The following FHIP1A variants were observed in gnomAD, a reference collection of about 807,000 sequenced individuals.
FHIP1A encodes FHF complex subunit HOOK interacting protein 1A.
Under a neutral mutation model 88.6 loss-of-function variants are expected in FHIP1A, and 61 were observed. The observed-to-expected ratio is 0.69, with a 90% CI of 0.56 to 0.85. FHIP1A has a LOEUF of 0.85. FHIP1A is among the 40% of genes least tolerant of loss of function. The pLI is 0.00. For synonymous variants in FHIP1A, 478 were observed against 496.0 expected (o/e 0.96, Z 0.48); for missense variants, 1,154 against 1,273.5 (o/e 0.91, Z 1.43).
At chr4:151,548,918 G>C (rs1732613522) in intron 3 of FHIP1A, among the ~76,000 whole-genome samples, 1 of 152,232 alleles carries the variant, frequency 6.6e-6, no homozygotes, top group African/African-American at 2.4e-5. Flanking sequence ...TCTGCAGAAA[G>C]GGTGCCCCTC....
intron 13 of FHIP1A, among the ~76,000 whole-genome samples, chr4:151,660,870 T>TA (rs1737431162): frequency 2.6e-5 from 4 of 152,234 alleles, no homozygotes; most frequent in Admixed American, 2.6e-4. Context: ...ACTTTATACC[T>TA]ATTGACTCAT....
At chr4:151,454,247 A>G (rs1728893479) in intron 1 of FHIP1A, among the ~76,000 whole-genome samples, 1 of 152,158 alleles carries the variant, frequency 6.6e-6, no homozygotes, top group Non-Finnish European at 1.5e-5. Context: ...GCATTCATAT[A>G]CCTATTGATT....
At chr4:151,486,471 A>G (rs1730086736) in intron 3 of FHIP1A, among the ~76,000 whole-genome samples, 1 of 152,146 alleles carries the variant, frequency 6.6e-6, no homozygotes, top group Non-Finnish European at 1.5e-5. Context: ...TGTGCATTTT[A>G]ACGAGCTCTC....
chr4:151,413,426 T>C (rs534716689), intron 1 of FHIP1A, among the ~76,000 whole-genome samples: 3 of 152,328 alleles, frequency 2.0e-5, no homozygotes, highest in African/African-American at 7.2e-5. Context: ...GATAATATTT[T>C]ATACTGTGTA....
intron 7 of FHIP1A, among the ~76,000 whole-genome samples, chr4:151,611,457 T>C (rs1288657255): frequency 6.6e-6 from 1 of 152,248 alleles, no homozygotes; most frequent in African/African-American, 2.4e-5. Flanking sequence ...GCTCTCTATA[T>C]GTAGAAATGA....
chr4:151,517,091 G>A (rs900625211), intron 3 of FHIP1A, among the ~76,000 whole-genome samples: 8 of 152,130 alleles, frequency 5.3e-5, no homozygotes, highest in African/African-American at 1.7e-4. Flanking sequence ...AGAAAATGTG[G>A]CACATATGCA....
At chr4:151,518,593 A>G (rs1028712236) in intron 3 of FHIP1A, among the ~76,000 whole-genome samples, 2 of 150,854 alleles carry the variant, frequency 1.3e-5, no homozygotes, top group African/African-American at 4.9e-5. Flanking sequence ...AAATTCTACC[A>G]TTAACATTGT....
rs569126288 is a variant in FHIP1A at position 151,545,369 on chromosome 4, C to CTTTTTTTT, written c.-122-20750_-122-20743dup. The stretch of plus-strand genomic sequence containing the variant: ...CAAGGCAAAATATTTCCTTATCCTT[C>CTTTTTTTT]TTTTTTTTTTTTTTTTTTTTTTTTT... On this transcript the variant is annotated intron_variant, in intron 3 of 13. Coordinates refer to ENST00000435205, the MANE Select transcript of FHIP1A (RefSeq NM_001109977.3). Among the ~76,000 whole-genome samples the CTTTTTTTT allele has an allele frequency of 4.7e-4, 38 of 81,682 alleles. 1 individual carries two copies. Among genetic ancestry groups the CTTTTTTTT allele is most frequent in the African/African-American group, 1.7e-3 (34 of 19,652 alleles). The allele number at this position is 81,682 out of a possible 152,430, so 53.6% of individuals were successfully genotyped here. A position where few individuals can be genotyped will look rare whatever the true frequency, so the allele number is the denominator to read the frequency against.
At chr4:151,516,652 G>A (rs1015407947) in intron 3 of FHIP1A, among the ~76,000 whole-genome samples, 3 of 152,194 alleles carry the variant, frequency 2.0e-5, no homozygotes, top group African/African-American at 7.2e-5. Flanking sequence ...GACAGGAACA[G>A]ACACTTACCA....
chr4:151,560,471 T>C (rs1215682596), intron 3 of FHIP1A, among the ~76,000 whole-genome samples: 2 of 152,164 alleles, frequency 1.3e-5, no homozygotes, highest in Admixed American at 1.3e-4. Flanking sequence ...AGTGAGAGGG[T>C]TCTTCTTAGA....
intron 1 of FHIP1A, among the ~76,000 whole-genome samples, chr4:151,445,265 A>T (rs1381689574): frequency 6.6e-6 from 1 of 152,180 alleles, no homozygotes; most frequent in African/African-American, 2.4e-5. Flanking sequence ...GGGTCCCAGC[A>T]TAGGAACCTC....
At chr4:151,660,391 TA>T in intron 13 of FHIP1A, among the ~76,000 whole-genome samples, 1 of 152,228 alleles carries the variant, frequency 6.6e-6, no homozygotes, top group East Asian at 1.9e-4. Flanking sequence ...AACCCCTTTT[TA>T]GGGGGGAAGA....
intron 8 of FHIP1A, 43 bp from the exon 9 acceptor site, chr4:151,638,634 C>A: frequency 1.7e-6 from 2 of 1,202,380 alleles, no homozygotes; most frequent in Non-Finnish European, 2.4e-6. Flanking sequence ...GTAGAGTTAT[C>A]GTTCCAACAT....
At chr4:151,586,486 C>T (rs796958305) in intron 5 of FHIP1A, among the ~76,000 whole-genome samples, 155 bp from the exon 6 acceptor site, 6 of 152,142 alleles carry the variant, frequency 3.9e-5, no homozygotes, top group South Asian at 4.1e-4. Context: ...CTGTTTGCAT[C>T]GTTTTTAGCT....
At chr4:151,607,214 G>C (rs1464011493) in intron 7 of FHIP1A, among the ~76,000 whole-genome samples, 1 of 152,104 alleles carries the variant, frequency 6.6e-6, no homozygotes, top group Non-Finnish European at 1.5e-5. Flanking sequence ...CAGTTCCCCT[G>C]GACTTAAACA....
At chr4:151,661,675 T>C (rs546522563) in intron 13 of FHIP1A, among the ~76,000 whole-genome samples, 3 of 152,264 alleles carry the variant, frequency 2.0e-5, no homozygotes, top group Non-Finnish European at 4.4e-5. Context: ...AGGAATCAAA[T>C]AGGGATGTTG....
At chr4:151,410,807 T>A (rs184209809) in intron 1 of FHIP1A, among the ~76,000 whole-genome samples, 1 of 152,364 alleles carries the variant, frequency 6.6e-6, no homozygotes, top group East Asian at 1.9e-4. Flanking sequence ...TTCGCATAAT[T>A]AAAGGTTGAT....
Position 151,662,613 on chromosome 4 carries a change from C to G in FHIP1A, c.2982C>G (p.Pro994=). The G allele has an allele frequency of 3.9e-6, 6 of 1,551,674 alleles. No homozygotes were observed. Among genetic ancestry groups the G allele is most frequent in the Non-Finnish European group, 5.2e-6 (6 of 1,146,988 alleles). ...GAACCAAGGTGGCTGAGGCACCCCCCAACCTGCCCCTGCCGGTGAGGAACC... is the reference window on the plus strand; with the variant it reads ...GAACCAAGGTGGCTGAGGCACCCCCGAACCTGCCCCTGCCGGTGAGGAACC... ...THRTKVAEAP[P]NLPLPVRNPM... Residue 994 remains proline (P), a synonymous_variant, in exon 14 of 14, where the codon CCC becomes CCG. Transcript: ENST00000435205.
intron 2 of FHIP1A, among the ~76,000 whole-genome samples, chr4:151,455,390 A>G (rs920175954): frequency 1.3e-5 from 2 of 152,226 alleles, no homozygotes; most frequent in Non-Finnish European, 1.5e-5. Flanking sequence ...CTGTCATTAA[A>G]GGAGGGCAGG....
Sources: allele counts gnomAD v4.1 joint callset (sites outside exome capture counted in the v4.1 genomes callset), GRCh38; gene constraint gnomAD v4.1.1; transcripts MANE v1.5; gene names NCBI Gene and HGNC (gene_info 2026-07-23, HGNC 2026-07-21).